FA2H: variants seen among roughly 807,000 people sequenced by gnomAD.
FA2H encodes the protein fatty acid alpha-hydroxylase.
Under a neutral mutation model 44.9 loss-of-function variants are expected in FA2H, and 22 were observed. The observed-to-expected ratio is 0.49, with a 90% confidence interval of 0.35 to 0.70. The LOEUF (loss-of-function observed/expected upper bound fraction) is 0.70. FA2H is among the 30% of genes least tolerant of loss of function. The pLI is 0.01. For synonymous variants in FA2H, 243 were observed against 213.2 expected (o/e 1.14, Z -1.22); for missense variants, 501 against 504.9 (o/e 0.99, Z 0.07).
chr16:74,751,853 T>C (rs1483025035), intron 1 of FA2H, among the ~76,000 whole-genome samples: 1 of 152,204 alleles, frequency 6.6e-6, no homozygotes, highest in East Asian at 1.9e-4. Flanking sequence ...GTTCCCACCT[T>C]GGACAGCTCA....
chr16:74,725,047 A>G (rs1433053118), intron 4 of FA2H, among the ~76,000 whole-genome samples: 1 of 152,140 alleles, frequency 6.6e-6, no homozygotes, highest in Non-Finnish European at 1.5e-5. Flanking sequence ...AGGCCTTCTG[A>G]GCAACAAGCT....
chr16:74,751,306 G>T (rs1274531398), intron 1 of FA2H, among the ~76,000 whole-genome samples: 1 of 152,104 alleles, frequency 6.6e-6, no homozygotes, highest in Non-Finnish European at 1.5e-5. Flanking sequence ...ATGTTGCCCA[G>T]GCTGGTCTTG....
At chr16:74,714,550 C>T (rs1282637794) in intron 6 of FA2H, among the ~76,000 whole-genome samples, 3 of 152,042 alleles carry the variant, frequency 2.0e-5, no homozygotes, top group African/African-American at 7.2e-5. Flanking sequence ...TCTCCTTCCC[C>T]TTCCTTGGGG....
At chr16:74,742,595 A>C (rs1241801197) in intron 1 of FA2H, among the ~76,000 whole-genome samples, 1 of 152,176 alleles carries the variant, frequency 6.6e-6, no homozygotes, top group Non-Finnish European at 1.5e-5. Flanking sequence ...GCACTTTGGG[A>C]GGCTGAGGTG....
At chr16:74,716,963 C>T (rs1391841483) in intron 5 of FA2H, 11 of 242,460 alleles carry the variant, frequency 4.5e-5, no homozygotes, top group South Asian at 7.6e-5. Context: ...CCCTAAATGC[C>T]GTGCCCCTGG....
At chr16:74,719,561 TG>T (rs1961783265) in intron 4 of FA2H, among the ~76,000 whole-genome samples, 2 of 152,060 alleles carry the variant, frequency 1.3e-5, no homozygotes, top group East Asian at 3.9e-4. Flanking sequence ...TCGCCCAGGT[TG>T]GAAGACTGGA....
At chr16:74,769,594 G>A (rs1408187820) in intron 1 of FA2H, among the ~76,000 whole-genome samples, 1 of 152,160 alleles carries the variant, frequency 6.6e-6, no homozygotes, top group African/African-American at 2.4e-5. Flanking sequence ...CCAAACTGGG[G>A]GGAAAAAAAC....
chr16:74,714,205 G>A lies in FA2H; in HGVS notation c.1104C>T (p.His368=), dbSNP rs910812066. Residue 368 remains histidine, a synonymous_variant, in exon 7 of 7, where the codon CAC becomes CAT. Coordinates refer to ENST00000219368, the MANE Select transcript of FA2H (RefSeq NM_024306.5). ...GTGGGAGTTGTCACTGCGTCTTCAGGTGGGGTTTCTCTGGAGTGAGGGTGT... is the reference window on the plus strand; with the variant it reads ...GTGGGAGTTGTCACTGCGTCTTCAGATGGGGTTTCTCTGGAGTGAGGGTGT... The part of the protein sequence containing the change: ...CFHTLTPEKP[H]LKTQ The A allele has an allele frequency of 1.3e-6, 2 of 1,564,340 alleles. No individual in the cohort carries two copies. Among genetic ancestry groups the A allele is most frequent in the East Asian group, 2.4e-5 (1 of 42,002 alleles).
At position 74,774,525 on chromosome 16, in the gene FA2H, C is replaced by A; in HGVS notation, c.231G>T (p.Leu77=). The change falls in exon 1 of 7, where the codon CTG becomes CTT. Residue 77 remains leucine, a synonymous_variant. Coordinates refer to ENST00000219368, the MANE Select transcript of FA2H (RefSeq NM_024306.5). ...GGAGCTCTCCCACGTAGTACTGCTC[C>A]AGCCAGCGGCGCGCGTTGGCCGAGT... is the stretch of plus-strand genomic sequence containing the variant. ...HRHSANARRW[L]EQYYVGELRG... The A allele has an allele frequency of 6.5e-7, 1 of 1,549,958 alleles. No individual in the cohort carries two copies. Among genetic ancestry groups the A allele is most frequent in the Middle Eastern group, 1.7e-4 (1 of 5,744 alleles).
At chr16:74,746,359 A>AATT (rs201571708) in intron 1 of FA2H, among the ~76,000 whole-genome samples, 9 of 149,422 alleles carry the variant, frequency 6.0e-5, no homozygotes, top group South Asian at 2.1e-4. Context: ...TCCTGGGCTC[A>AATT]ATTATTATTA....
intron 2 of FA2H, among the ~76,000 whole-genome samples, chr16:74,738,502 C>T (rs1042556503): frequency 6.6e-6 from 1 of 152,202 alleles, no homozygotes; most frequent in South Asian, 2.1e-4. Flanking sequence ...GCCTCAGACC[C>T]CAGCTCCTCC....
At chr16:74,758,334 C>A (rs961056103) in intron 1 of FA2H, among the ~76,000 whole-genome samples, 23 of 151,802 alleles carry the variant, frequency 1.5e-4, no homozygotes, top group African/African-American at 5.3e-4. Context: ...GTTGGCCAGA[C>A]TGGTCTCGAA....
chr16:74,735,005 G>A (rs1453637727), intron 2 of FA2H, among the ~76,000 whole-genome samples: 1 of 152,250 alleles, frequency 6.6e-6, no homozygotes. Flanking sequence ...TCTGCAACCT[G>A]GTCGCTGGTC....
chr16:74,757,768 G>A (rs1488186775), intron 1 of FA2H, among the ~76,000 whole-genome samples: 1 of 152,146 alleles, frequency 6.6e-6, no homozygotes, highest in Non-Finnish European at 1.5e-5. Context: ...TGTAATCCTG[G>A]CACTTTGGGA....
intron 1 of FA2H, among the ~76,000 whole-genome samples, chr16:74,750,539 C>A (rs1009022345): frequency 1.3e-5 from 2 of 152,038 alleles, no homozygotes; most frequent in African/African-American, 4.8e-5. Flanking sequence ...TTAAAAAACC[C>A]AAACAACAAG....
intron 1 of FA2H, among the ~76,000 whole-genome samples, chr16:74,751,201 C>A (rs1050310789): frequency 2.0e-5 from 3 of 152,034 alleles, no homozygotes; most frequent in African/African-American, 7.2e-5. Context: ...TTCAAGCGAT[C>A]CTCCTGCCTC....
At chr16:74,764,797 G>A (rs535716451) in intron 1 of FA2H, among the ~76,000 whole-genome samples, 1 of 152,028 alleles carries the variant, frequency 6.6e-6, no homozygotes, top group Non-Finnish European at 1.5e-5. Flanking sequence ...GTGCTTTAGA[G>A]AATTTTGCAT....
intron 6 of FA2H, among the ~76,000 whole-genome samples, chr16:74,715,996 A>T (rs1961686329): frequency 6.6e-6 from 1 of 151,904 alleles, no homozygotes. Flanking sequence ...TTGTATTTCT[A>T]GTGGAGACAG....
rs138840935 is a variant in FA2H at position 74,772,346 on chromosome 16, T to C, written c.270+2140A>G. Among the ~76,000 whole-genome samples the C allele has an allele frequency of 4.6e-3, 698 of 152,348 alleles. 5 individuals carry two copies. The highest frequency in any genetic ancestry group is 0.016 in the African/African-American group (649 of 41,582). The stretch of plus-strand genomic sequence containing the variant: ...CAATGTCGCTTTCTCAAGAAGGCTC[T>C]CTATGCTCCTCCCCTCTAGATCCGT... On this transcript the variant is annotated intron_variant, in intron 1 of 6. Transcript: ENST00000219368.
Sources: allele counts gnomAD v4.1 joint callset (sites outside exome capture counted in the v4.1 genomes callset), GRCh38; gene constraint gnomAD v4.1.1; transcripts MANE v1.5; gene names NCBI Gene and HGNC (gene_info 2026-07-23, HGNC 2026-07-21).